DLG2: variants seen among roughly 807,000 people sequenced by gnomAD.
The protein encoded by DLG2 is discs large MAGUK scaffold protein 2.
Under a neutral mutation model 132.5 loss-of-function variants are expected in DLG2, and 45 were observed. The ratio of observed to expected loss-of-function variants is 0.34; its 90% CI spans 0.27 to 0.44. The LOEUF (loss-of-function observed/expected upper bound fraction) is 0.44, where lower values mean the gene tolerates loss of function less well. DLG2 is among the 20% of genes least tolerant of loss of function. DLG2 has a pLI of 1.00. For synonymous variants in DLG2, 424 were observed against 419.6 expected, an observed-to-expected ratio of 1.01 and a Z score of -0.13; for missense variants, 1,045 against 1,196.9, an observed-to-expected ratio of 0.87 and a Z score of 1.87.
chr11:85,397,993 T>C (rs1157584895), intron 3 of DLG2, among the ~76,000 whole-genome samples: 3 of 152,102 alleles, frequency 2.0e-5, no homozygotes, highest in Non-Finnish European at 4.4e-5. Context: ...CAGCACCACA[T>C]TGCACTTATT....
At chr11:84,569,787 C>G (rs994223487) in intron 6 of DLG2, among the ~76,000 whole-genome samples, 1 of 152,098 alleles carries the variant, frequency 6.6e-6, no homozygotes, top group African/African-American at 2.4e-5. Flanking sequence ...AAGATTGAGG[C>G]CAATTATGGG....
intron 19 of DLG2, among the ~76,000 whole-genome samples, chr11:83,585,898 G>A (rs1157106102): frequency 6.6e-6 from 1 of 152,184 alleles, no homozygotes; most frequent in Admixed American, 6.5e-5. Context: ...TGGGGCTTGG[G>A]AAACCTGACA....
At chr11:83,732,135 C>T (rs890567113) in intron 18 of DLG2, among the ~76,000 whole-genome samples, 5 of 151,904 alleles carry the variant, frequency 3.3e-5, no homozygotes, top group Admixed American at 1.3e-4. Context: ...ATGTTAAAGA[C>T]GTGTTCATTT....
chr11:84,981,204 T>C (rs1268718642), intron 6 of DLG2, among the ~76,000 whole-genome samples: 1 of 152,178 alleles, frequency 6.6e-6, no homozygotes, highest in Admixed American at 6.5e-5. Context: ...CTTTGAAAAA[T>C]ATAATTTTTC....
chr11:84,787,472 A>T (rs923952575), intron 6 of DLG2, among the ~76,000 whole-genome samples: 2 of 152,044 alleles, frequency 1.3e-5, no homozygotes, highest in Non-Finnish European at 1.5e-5. Flanking sequence ...CTCCACTACA[A>T]AGTTTTTCTG....
At chr11:84,898,191 T>C (rs1263582193) in intron 6 of DLG2, among the ~76,000 whole-genome samples, 1 of 151,990 alleles carries the variant, frequency 6.6e-6, no homozygotes, top group Non-Finnish European at 1.5e-5. Flanking sequence ...TAAGTTTGTA[T>C]TAGTTGAGCA....
At chr11:84,478,930 C>A (rs140799015) in intron 7 of DLG2, among the ~76,000 whole-genome samples, 1 of 151,948 alleles carries the variant, frequency 6.6e-6, no homozygotes, top group African/African-American at 2.4e-5. Flanking sequence ...AGGTGCTTTG[C>A]CACATAAATG....
At chr11:85,033,264 T>C (rs2154145668) in intron 6 of DLG2, among the ~76,000 whole-genome samples, 1 of 152,188 alleles carries the variant, frequency 6.6e-6, no homozygotes, top group South Asian at 2.1e-4. Context: ...AAAGATGTTA[T>C]TTGAAGACTG....
At chr11:84,502,402 CTTT>C in intron 7 of DLG2, among the ~76,000 whole-genome samples, 1 of 96,676 alleles carries the variant, frequency 1.0e-5, no homozygotes, top group East Asian at 2.5e-4. Context: ...TTCTTTCTTT[CTTT>C]CTTTCTTTCT....
intron 15 of DLG2, among the ~76,000 whole-genome samples, chr11:83,890,817 G>T (rs1467280847): frequency 6.6e-6 from 1 of 152,114 alleles, no homozygotes; most frequent in Non-Finnish European, 1.5e-5. Flanking sequence ...TAACCAATGG[G>T]TCGAAGGAAG....
At chr11:84,417,553 C>T (rs1268802695) in intron 7 of DLG2, among the ~76,000 whole-genome samples, 1 of 152,188 alleles carries the variant, frequency 6.6e-6, no homozygotes, top group East Asian at 1.9e-4. Flanking sequence ...GTTTGAAAAT[C>T]CAAGGCTCTT....
At chr11:84,858,408 G>A (rs2083085426) in intron 6 of DLG2, among the ~76,000 whole-genome samples, 1 of 152,024 alleles carries the variant, frequency 6.6e-6, no homozygotes, top group South Asian at 2.1e-4. Context: ...GAAGATGGTA[G>A]AGTGAGATTT....
At chr11:84,008,118 A>G (rs2094668940) in intron 11 of DLG2, among the ~76,000 whole-genome samples, 1 of 151,758 alleles carries the variant, frequency 6.6e-6, no homozygotes, top group African/African-American at 2.4e-5. Flanking sequence ...CACATCATCT[A>G]TTCTCTTATA....
At chr11:83,986,236 A>C (rs1408152647) in intron 11 of DLG2, among the ~76,000 whole-genome samples, 2 of 136,432 alleles carry the variant, frequency 1.5e-5, no homozygotes, top group African/African-American at 5.4e-5. Flanking sequence ...CAGTCCCCAG[A>C]GTGTGATGTT....
intron 6 of DLG2, among the ~76,000 whole-genome samples, chr11:84,770,967 A>G (rs1459947952): frequency 6.6e-6 from 1 of 151,830 alleles, no homozygotes; most frequent in Non-Finnish European, 1.5e-5. Flanking sequence ...CATTCTTTTT[A>G]TGGCTGCCTA....
chr11:85,278,613 A>AAG (rs567616720), intron 4 of DLG2, among the ~76,000 whole-genome samples: 113 of 152,208 alleles, frequency 7.4e-4, no homozygotes, highest in African/African-American at 2.6e-3. Context: ...AGAAAAAAAA[A>AAG]AGAGCCTAGC....
At chr11:85,578,813 G>C (rs2078325906) in intron 3 of DLG2, among the ~76,000 whole-genome samples, 1 of 152,182 alleles carries the variant, frequency 6.6e-6, no homozygotes, top group African/African-American at 2.4e-5. Context: ...CATCATGGAA[G>C]ACAGTGTGGC....
intron 3 of DLG2, among the ~76,000 whole-genome samples, chr11:85,427,453 G>T (rs1377758820): frequency 1.3e-5 from 2 of 152,224 alleles, no homozygotes; most frequent in African/African-American, 2.4e-5. Flanking sequence ...CAAGCCAGAA[G>T]AGAGTGGGGG....
rs148991025 is a variant in DLG2, at chr11:83,501,789, A to G, written c.2194-17561T>C. 7.0e-4 allele frequency among the ~76,000 whole-genome samples: 106 copies of G among 152,354 alleles called. 2 individuals carry two copies. The East Asian group carries it at 0.019, about 27-fold the overall frequency. ...GAAAATTCTGTCTGGGTTATCTTTA[A>G]TGAATTTAATTGAGCACCCACTAAG... On this transcript the variant is annotated intron_variant, in intron 21 of 27. Coordinates refer to ENST00000376104, the MANE Select transcript of DLG2 (RefSeq NM_001142699.3).
Sources: allele counts gnomAD v4.1 joint callset (sites outside exome capture counted in the v4.1 genomes callset), GRCh38; gene constraint gnomAD v4.1.1; transcripts MANE v1.5; gene names NCBI Gene and HGNC (gene_info 2026-07-23, HGNC 2026-07-21).